The following SLC12A6 variants were observed in gnomAD, a reference collection of about 807,000 sequenced individuals.
The protein encoded by SLC12A6 is solute carrier family 12 member 6, also known as K-Cl cotransporter 3.
A neutral mutation model predicts 135.3 loss-of-function variants in SLC12A6; 66 were observed. The observed-to-expected ratio is 0.49, with a 90% CI of 0.40 to 0.60. The LOEUF (loss-of-function observed/expected upper bound fraction) is 0.60, where lower values mean the gene tolerates loss of function less well. Among genes scored for constraint, SLC12A6 ranks in the 20% least tolerant of loss-of-function variants. The pLI, the probability that SLC12A6 is intolerant of heterozygous loss-of-function variation, is 0.00. For synonymous variants in SLC12A6, 513 were observed against 508.8 expected (o/e 1.01, Z -0.11); for missense variants, 1,058 against 1,452.3 (o/e 0.73, Z 4.41).
intron 19 of SLC12A6, 91 bp downstream of exon 19, chr15:34,240,570 G>A (rs1891572306): frequency 8.8e-7 from 1 of 1,133,962 alleles, no homozygotes; most frequent in Non-Finnish European, 1.3e-6. Flanking sequence ...GATCACTCAG[G>A]AACAAGATTC....
intron 2 of SLC12A6, among the ~76,000 whole-genome samples, chr15:34,277,084 T>C (rs1455805443): frequency 2.0e-5 from 3 of 152,184 alleles, no homozygotes; most frequent in Non-Finnish European, 4.4e-5. Flanking sequence ...TCCCCAAACA[T>C]ACCAGCAAGT....
At chr15:34,259,980 A>G (rs1893001439) in intron 4 of SLC12A6, among the ~76,000 whole-genome samples, 1 of 152,220 alleles carries the variant, frequency 6.6e-6, no homozygotes, top group Non-Finnish European at 1.5e-5. Context: ...ACAAAGTTTC[A>G]GTTAGGCAGG....
chr15:34,241,011 A>G, intron 18 of SLC12A6, 182 bp from the exon 19 acceptor site: 1 of 663,814 alleles, frequency 1.5e-6, no homozygotes, highest in Non-Finnish European at 2.7e-6. Flanking sequence ...GTACTATCTC[A>G]AGTTGATCAG....
chr15:34,332,846 T>C (rs1394996330), intron 2 of SLC12A6, among the ~76,000 whole-genome samples: 3 of 152,084 alleles, frequency 2.0e-5, no homozygotes, highest in Non-Finnish European at 4.4e-5. Flanking sequence ...AAAATATGTT[T>C]TATAGCCACA....
At chr15:34,338,019 A>G (rs1890312006), upstream of SLC12A6, 2 of 151,882 alleles carry the variant, frequency 1.3e-5, no homozygotes, top group Non-Finnish European at 2.9e-5. Flanking sequence ...CGGGCGCCCG[A>G]AAGCCCCGCC....
chr15:34,272,197 C>G (rs1226237131), intron 3 of SLC12A6, among the ~76,000 whole-genome samples: 1 of 152,188 alleles, frequency 6.6e-6, no homozygotes, highest in East Asian at 1.9e-4. Context: ...TCTCGAACTC[C>G]TGACCTTGCG....
intron 5 of SLC12A6, among the ~76,000 whole-genome samples, chr15:34,258,218 C>T (rs955686117): frequency 5.3e-5 from 8 of 152,186 alleles, no homozygotes; most frequent in Admixed American, 1.3e-4. Context: ...ATCTGAGGGC[C>T]GTTTTATCCC....
At chr15:34,327,474 A>G (rs1375793252) in intron 2 of SLC12A6, among the ~76,000 whole-genome samples, 1 of 152,102 alleles carries the variant, frequency 6.6e-6, no homozygotes, top group East Asian at 1.9e-4. Context: ...AGACCTAAAC[A>G]TGGTAAAACC....
At chr15:34,244,449 C>A (rs543159985) in intron 15 of SLC12A6, among the ~76,000 whole-genome samples, 14 of 152,330 alleles carry the variant, frequency 9.2e-5, no homozygotes, top group African/African-American at 3.4e-4. Context: ...TTAGCATTCC[C>A]AGCTCAATTC....
Position 34,270,632 on chromosome 15 carries a change from G to A in SLC12A6, c.316+4713C>T, listed in dbSNP as rs558597350. Among the ~76,000 whole-genome samples the A allele has an allele frequency of 1.4e-4, 21 of 151,908 alleles. No individual in the cohort carries two copies. The East Asian group carries it at 3.7e-3, about 27-fold the overall frequency. Reference sequence around the variant, plus strand: ...AGACTGGACAACATGGTGAAACCCCGTCTCCACTGAAAATACAAAAATTAG... The same window carrying A: ...AGACTGGACAACATGGTGAAACCCCATCTCCACTGAAAATACAAAAATTAG... On this transcript the variant is annotated intron_variant, in intron 3 of 25. Coordinates refer to ENST00000354181, the MANE Select transcript of SLC12A6 (RefSeq NM_001365088.1).
chr15:34,289,300 A>G (rs1046314307), intron 2 of SLC12A6, among the ~76,000 whole-genome samples: 4 of 152,276 alleles, frequency 2.6e-5, no homozygotes, highest in East Asian at 3.9e-4. Context: ...TTGATTTGCT[A>G]TGTTGAACCA....
At chr15:34,263,956 G>A (rs751725717) in intron 3 of SLC12A6, among the ~76,000 whole-genome samples, 23 of 151,832 alleles carry the variant, frequency 1.5e-4, no homozygotes, top group Non-Finnish European at 2.6e-4. Context: ...TCACCTTTGC[G>A]GGGTTAAGGA....
chr15:34,318,105 C>G (rs1458175298), intron 2 of SLC12A6, among the ~76,000 whole-genome samples: 1 of 152,160 alleles, frequency 6.6e-6, no homozygotes, highest in East Asian at 1.9e-4. Flanking sequence ...TGAGAAATCA[C>G]AAGTACAGTC....
At chr15:34,265,145 C>T (rs891255625) in intron 3 of SLC12A6, among the ~76,000 whole-genome samples, 1 of 152,036 alleles carries the variant, frequency 6.6e-6, no homozygotes, top group Admixed American at 6.6e-5. Flanking sequence ...TGCAGTGAGC[C>T]GAGATCGTGC....
Position 34,258,882 on chromosome 15 carries a change from AT to A in SLC12A6, c.473del (p.Asn158IlefsTer2). 6.2e-7 allele frequency: 1 copy of A among 1,612,110 alleles called. No individual in the cohort carries two copies. Among genetic ancestry groups the A allele is most frequent in the Non-Finnish European group, 8.5e-7 (1 of 1,178,210 alleles). On this transcript the variant is annotated frameshift_variant, in exon 5 of 26. Transcript: ENST00000354181. LOFTEE classifies it high-confidence loss of function. ...SLLNRMANYT[N>X]LTQGAKEHEE... is the part of the protein sequence containing the mutation. ...CATGTTCCTTTGCTCCTTGAGTCAG[AT>A]TAGTGTAATTGGCCATGCGGTTGAG...
intron 2 of SLC12A6, among the ~76,000 whole-genome samples, chr15:34,300,611 ACT>A (rs1896177907): frequency 6.6e-6 from 1 of 151,416 alleles, no homozygotes; most frequent in Admixed American, 6.6e-5. Flanking sequence ...AACATAGAAG[ACT>A]CTGTCTCCAC....
At chr15:34,250,522 G>A (rs577030434) in intron 12 of SLC12A6, 109 bp downstream of exon 12, 3 of 832,740 alleles carry the variant, frequency 3.6e-6, no homozygotes, top group South Asian at 1.4e-5. Flanking sequence ...GGCAAGAAGT[G>A]AAGTGATAGA....
intron 2 of SLC12A6, chr15:34,318,762 C>A: frequency 6.3e-7 from 1 of 1,599,034 alleles, no homozygotes; most frequent in South Asian, 1.1e-5. Context: ...TCCTTGCTGT[C>A]GTTTCAGACT....
At chr15:34,266,681 C>T (rs1040936005) in intron 3 of SLC12A6, among the ~76,000 whole-genome samples, 2 of 152,190 alleles carry the variant, frequency 1.3e-5, no homozygotes, top group Non-Finnish European at 2.9e-5. Flanking sequence ...ATCAGCCTGC[C>T]TCAACCTCCC....
Sources: gnomAD v4.1 joint callset for allele counts (sites outside exome capture counted in the v4.1 genomes callset) on GRCh38, gnomAD v4.1.1 for gene constraint, MANE v1.5 for transcripts, NCBI Gene and HGNC (gene_info 2026-07-23, HGNC 2026-07-21) for gene names.